The following FBLN7 variants were observed in gnomAD, a reference collection of about 807,000 sequenced individuals.
FBLN7 encodes fibulin 7.
A neutral mutation model predicts 44.0 loss-of-function variants in FBLN7; 31 were observed. The observed-to-expected ratio is 0.70, with a 90% CI of 0.53 to 0.95. The LOEUF (loss-of-function observed/expected upper bound fraction) is 0.95, where lower values mean the gene tolerates loss of function less well. Among genes scored for constraint, FBLN7 ranks in the 40% least tolerant of loss-of-function variants. FBLN7 has a pLI of 0.00. For synonymous variants in FBLN7, 262 were observed against 253.4 expected (o/e 1.03, Z -0.32); for missense variants, 573 against 618.5 (o/e 0.93, Z 0.78).
At chr2:112,224,684 A>C in the FBLN7 span, among the ~76,000 whole-genome samples, 1 of 152,364 alleles carries the variant, frequency 6.6e-6, no homozygotes, top group East Asian at 1.9e-4. Flanking sequence ...AAAAACAGGA[A>C]GCTTGAAAAC....
chr2:112,232,033 G>A, the FBLN7 span: 5 of 764,202 alleles, frequency 6.5e-6, no homozygotes, highest in Non-Finnish European at 9.6e-6. Flanking sequence ...CCTAAATAAA[G>A]ACCTCTGTGG....
At chr2:112,177,155 C>G (rs1460976312) in intron 4 of FBLN7, 1 of 152,262 alleles carries the variant, frequency 6.6e-6, no homozygotes, top group Non-Finnish European at 1.5e-5. Flanking sequence ...AGGCTGGTCT[C>G]CAACTCCTGA....
intron 3 of FBLN7, among the ~76,000 whole-genome samples, chr2:112,174,715 G>A (rs1682646678): frequency 6.6e-6 from 1 of 152,052 alleles, no homozygotes; most frequent in Admixed American, 6.6e-5. Context: ...TGGTTGGTTG[G>A]TTTTTTGTTT....
chr2:112,164,128 G>A (rs1285480418), intron 2 of FBLN7, among the ~76,000 whole-genome samples: 1 of 152,200 alleles, frequency 6.6e-6, no homozygotes, highest in Non-Finnish European at 1.5e-5. Flanking sequence ...TAGATGGTGG[G>A]CTTCCTGAGG....
At chr2:112,234,361 T>C in the FBLN7 span, 1 of 676,882 alleles carries the variant, frequency 1.5e-6, no homozygotes, top group Non-Finnish European at 2.4e-6. Flanking sequence ...TTGGCCTTCA[T>C]ATGTAAAATT....
intron 2 of FBLN7, among the ~76,000 whole-genome samples, chr2:112,160,425 TAAC>T (rs1681698700): frequency 6.6e-6 from 1 of 152,236 alleles, no homozygotes; most frequent in South Asian, 2.1e-4. Context: ...ATTCTGGCCT[TAAC>T]AACTATCACG....
chr2:112,142,210 C>A lies in FBLN7; in HGVS notation c.75+3480C>A, dbSNP rs1680682822. 2.0e-5 allele frequency among the ~76,000 whole-genome samples: 3 copies of A among 152,158 alleles called. No individual in the cohort carries two copies. The South Asian group carries it at 6.2e-4, about 32-fold the overall frequency. On this transcript the variant is annotated intron_variant, in intron 1 of 7. Coordinates refer to ENST00000331203, the MANE Select transcript of FBLN7 (RefSeq NM_153214.3). ...TGCTGGAACAAGCATTACCTGACTCCTTCCACGTTTTGGGTCTCTGCTCAA... is the reference window on the plus strand; with the variant it reads ...TGCTGGAACAAGCATTACCTGACTCATTCCACGTTTTGGGTCTCTGCTCAA...
chr2:112,208,351 A>C, the FBLN7 span, among the ~76,000 whole-genome samples: 1 of 152,190 alleles, frequency 6.6e-6, no homozygotes, highest in African/African-American at 2.4e-5. Context: ...CAGTGTGTCG[A>C]GATCACACCA....
At chr2:112,179,100 C>T (rs1046342159) in intron 4 of FBLN7, among the ~76,000 whole-genome samples, 4 of 152,132 alleles carry the variant, frequency 2.6e-5, no homozygotes, top group Non-Finnish European at 4.4e-5. Context: ...AAAGTCTCGG[C>T]CCAAAAGTTC....
the FBLN7 span, chr2:112,233,113 C>G: frequency 2.8e-5 from 15 of 542,474 alleles, no homozygotes; most frequent in African/African-American, 2.4e-4. Context: ...AAAAAATCCA[C>G]GTACAATTTA....
intron 3 of FBLN7, among the ~76,000 whole-genome samples, chr2:112,170,737 TA>T (rs1682414962): frequency 6.6e-6 from 1 of 152,246 alleles, no homozygotes; most frequent in South Asian, 2.1e-4. Flanking sequence ...GGTGGGATTT[TA>T]GTTCTAAGCC....
chr2:112,167,800 A>T (rs1177211180), intron 3 of FBLN7, among the ~76,000 whole-genome samples: 2 of 152,126 alleles, frequency 1.3e-5, no homozygotes, highest in African/African-American at 4.8e-5. Context: ...CAAACCAGTC[A>T]GAATGACTGC....
chr2:112,150,507 A>G (rs1173782450), intron 1 of FBLN7, among the ~76,000 whole-genome samples: 3 of 152,172 alleles, frequency 2.0e-5, no homozygotes, highest in South Asian at 4.1e-4. Flanking sequence ...CTCTGATTGC[A>G]TGACAAAAAG....
At chr2:112,228,155 A>G in the FBLN7 span, among the ~76,000 whole-genome samples, 1 of 152,198 alleles carries the variant, frequency 6.6e-6, no homozygotes, top group African/African-American at 2.4e-5. Context: ...TAGTCAGCTG[A>G]TTTTTGACAA....
At chr2:112,181,685 G>T in intron 4 of FBLN7, 54 bp from the exon 5 acceptor site, 1 of 1,347,116 alleles carries the variant, frequency 7.4e-7, no homozygotes, top group Non-Finnish European at 9.5e-7. Flanking sequence ...ACCCAAGGTC[G>T]GGCCCACGGC....
chr2:112,181,925 G>C (rs764362413), intron 5 of FBLN7, 49 bp downstream of exon 5: 1 of 1,513,424 alleles, frequency 6.6e-7, no homozygotes, highest in South Asian at 1.2e-5. Flanking sequence ...GGGAGGACAT[G>C]GGGCGGGGAA....
intron 7 of FBLN7, among the ~76,000 whole-genome samples, chr2:112,185,692 A>G (rs1448159927): frequency 6.6e-6 from 1 of 152,138 alleles, no homozygotes; most frequent in East Asian, 1.9e-4. Flanking sequence ...GCAGCCCAGG[A>G]GACAGGTATA....
At chr2:112,144,371 G>C (rs1680795449) in intron 1 of FBLN7, among the ~76,000 whole-genome samples, 1 of 152,158 alleles carries the variant, frequency 6.6e-6, no homozygotes, top group Non-Finnish European at 1.5e-5. Context: ...GCTTCAAAAA[G>C]CATGTTTCTG....
intron 3 of FBLN7, among the ~76,000 whole-genome samples, chr2:112,165,530 ACT>A (rs1313599475): frequency 6.6e-6 from 1 of 151,984 alleles, no homozygotes; most frequent in Non-Finnish European, 1.5e-5. Flanking sequence ...CCTTCACACC[ACT>A]CTCTGCTCTG....
Sources: allele counts gnomAD v4.1 joint callset (sites outside exome capture counted in the v4.1 genomes callset), GRCh38; gene constraint gnomAD v4.1.1; transcripts MANE v1.5; gene names NCBI Gene and HGNC (gene_info 2026-07-23, HGNC 2026-07-21).